HMOX2: variants seen among roughly 807,000 people sequenced by gnomAD.
HMOX2 encodes the protein heme oxygenase (decycling) 2.
HMOX2 carries 30 observed loss-of-function variants against 33.7 expected under a neutral mutation model. The observed-to-expected ratio is 0.89, with a 90% confidence interval of 0.67 to 1.21. The LOEUF (loss-of-function observed/expected upper bound fraction) is 1.21. HMOX2 is among the 50% of genes most tolerant of loss of function. The pLI is 0.00. For missense variants in HMOX2, 403 were observed against 399.1 expected, an observed-to-expected ratio of 1.01 and a Z score of -0.08; for synonymous variants, 155 against 155.0, an observed-to-expected ratio of 1.00 and a Z score of 0.00.
upstream of HMOX2, among the ~76,000 whole-genome samples, chr16:4,475,725 C>T (rs2057804526): frequency 6.6e-6 from 1 of 151,612 alleles, no homozygotes; most frequent in African/African-American, 2.4e-5. Context: ...ATCACCTGAG[C>T]TCAGGAGTTC....
In HMOX2 at chr16:4,495,591, A is replaced by C. The variant is rs1446921476; in HGVS notation, c.-41-9893A>C. The C allele has an allele frequency of 1.2e-4, 18 of 152,210 alleles. 1 individual carries two copies. Among genetic ancestry groups the C allele is most frequent in the Admixed American group, 1.2e-3 (18 of 15,280 alleles). 9.4% of individuals were successfully genotyped at this position (152,210 alleles called of 1,614,324 possible). On this transcript the variant is annotated intron_variant, in intron 1 of 5. Transcript: ENST00000570646. ...TGAGAAATTGGAGCCACCTTGTTCGATTGACCAAAGGCTTGTCCTATGGAG... is the reference window on the plus strand; with the variant it reads ...TGAGAAATTGGAGCCACCTTGTTCGCTTGACCAAAGGCTTGTCCTATGGAG...
chr16:4,490,631 C>G (rs2058281335), intron 1 of HMOX2, among the ~76,000 whole-genome samples: 1 of 152,186 alleles, frequency 6.6e-6, no homozygotes, highest in Non-Finnish European at 1.5e-5. Flanking sequence ...AGGTCTATTC[C>G]CAGGAACATA....
chr16:4,500,054 T>A (rs1800772305), intron 1 of HMOX2, among the ~76,000 whole-genome samples: 1 of 152,210 alleles, frequency 6.6e-6, no homozygotes, highest in African/African-American at 2.4e-5. Context: ...GGTGCTGGCC[T>A]ATAAGTCATA....
At chr16:4,483,811 C>T (rs937063175) in intron 1 of HMOX2, 1 of 151,736 alleles carries the variant, frequency 6.6e-6, no homozygotes, top group African/African-American at 2.4e-5. Flanking sequence ...GGGGTTTCAC[C>T]ATATTAACCA....
At chr16:4,505,707 C>A in intron 2 of HMOX2, 97 bp downstream of exon 2, 2 of 846,570 alleles carry the variant, frequency 2.4e-6, no homozygotes, top group Non-Finnish European at 3.8e-6. Flanking sequence ...TGGGGAGTGG[C>A]CATGGGCCAT....
chr16:4,484,346 G>A (rs2058109227), intron 1 of HMOX2, among the ~76,000 whole-genome samples: 1 of 152,076 alleles, frequency 6.6e-6, no homozygotes, highest in African/African-American at 2.4e-5. Flanking sequence ...TCAAGAAACA[G>A]TAGTATGAGG....
intron 1 of HMOX2, among the ~76,000 whole-genome samples, chr16:4,486,428 C>A (rs1412515858): frequency 6.6e-6 from 1 of 152,200 alleles, no homozygotes; most frequent in East Asian, 1.9e-4. Context: ...GTGTTTGAAG[C>A]TCAAGGTCTG....
At chr16:4,490,199 G>A (rs764152726) in intron 1 of HMOX2, among the ~76,000 whole-genome samples, 7 of 152,184 alleles carry the variant, frequency 4.6e-5, no homozygotes, top group African/African-American at 7.2e-5. Flanking sequence ...TATCACTTAT[G>A]TTGTTTTTTG....
chr16:4,484,516 A>G (rs2058117413), intron 1 of HMOX2, among the ~76,000 whole-genome samples: 2 of 140,566 alleles, frequency 1.4e-5, no homozygotes. Context: ...GCTGGAGTGC[A>G]GTGGTACGAT....
intron 1 of HMOX2, among the ~76,000 whole-genome samples, chr16:4,493,339 A>C (rs1222038882): frequency 6.6e-6 from 1 of 152,226 alleles, no homozygotes; most frequent in African/African-American, 2.4e-5. Context: ...TACAGACATG[A>C]GCCACTGGGC....
chr16:4,487,118 A>G (rs116760079), intron 1 of HMOX2, among the ~76,000 whole-genome samples: 1,779 of 152,160 alleles, frequency 0.012, 40 homozygotes, highest in African/African-American at 0.041. Context: ...AATTAGCTAG[A>G]CATGGTAGTG....
chr16:4,489,533 C>T (rs890439347), intron 1 of HMOX2, among the ~76,000 whole-genome samples: 1 of 152,144 alleles, frequency 6.6e-6, no homozygotes, highest in Non-Finnish European at 1.5e-5. Context: ...GGTCTTGGCT[C>T]ACTGCAGCCG....
chr16:4,498,663 C>T (rs1253843127), intron 1 of HMOX2, among the ~76,000 whole-genome samples: 1 of 152,196 alleles, frequency 6.6e-6, no homozygotes, highest in African/African-American at 2.4e-5. Flanking sequence ...GTGTGAGCCA[C>T]TGCACCCAGC....
At chr16:4,504,815 G>C (rs564356803) in intron 1 of HMOX2, among the ~76,000 whole-genome samples, 7 of 149,338 alleles carry the variant, frequency 4.7e-5, no homozygotes, top group African/African-American at 1.7e-4. Flanking sequence ...TGAGCCTCCC[G>C]AGTAGCTGGG....
intron 1 of HMOX2, among the ~76,000 whole-genome samples, chr16:4,494,747 C>T (rs1008134803): frequency 3.3e-5 from 5 of 151,990 alleles, no homozygotes; most frequent in Admixed American, 6.6e-5. Context: ...GGTGTGGTGG[C>T]GTGTGCCTGT....
chr16:4,494,508 T>A (rs2058374015), intron 1 of HMOX2, among the ~76,000 whole-genome samples: 1 of 152,082 alleles, frequency 6.6e-6, no homozygotes, highest in Non-Finnish European at 1.5e-5. Flanking sequence ...GATTTTCTGC[T>A]CTTTAAGTGT....
chr16:4,492,712 T>A (rs1840168079), intron 1 of HMOX2, among the ~76,000 whole-genome samples: 1 of 151,682 alleles, frequency 6.6e-6, no homozygotes, highest in Admixed American at 6.6e-5. Flanking sequence ...AGTGAGACTC[T>A]GTCTCAAAAA....
Position 4,509,611 on chromosome 16 carries a change from A to G in HMOX2, c.824-18A>G, listed in dbSNP as rs1567406909. On this transcript the variant is annotated intron_variant, in intron 5 of 5. Coordinates refer to ENST00000570646, the MANE Select transcript of HMOX2 (RefSeq NM_002134.4). ...AGACTCCACTGATGCCATGTCTCCT[A>G]TTGGTGCTGCCACACAGGTGCCCTG... is the stretch of plus-strand genomic sequence containing the variant. The G allele has an allele frequency of 1.2e-6, 2 of 1,613,492 alleles. No homozygotes were observed. The highest frequency in any genetic ancestry group is 1.7e-6 in the Non-Finnish European group (2 of 1,179,466).
chr16:4,505,953 A>G (rs17884752), intron 2 of HMOX2, among the ~76,000 whole-genome samples: 1,741 of 152,318 alleles, frequency 0.011, 35 homozygotes, highest in African/African-American at 0.04. Flanking sequence ...TCAGTCTTTT[A>G]CCACATAAAA....
Sources: gnomAD v4.1 joint callset for allele counts (sites outside exome capture counted in the v4.1 genomes callset) on GRCh38, gnomAD v4.1.1 for gene constraint, MANE v1.5 for transcripts, NCBI Gene and HGNC (gene_info 2026-07-23, HGNC 2026-07-21) for gene names.